The following NCBP2 variants were observed in gnomAD, a reference collection of about 807,000 sequenced individuals.
NCBP2 encodes nuclear cap binding protein subunit 2.
A neutral mutation model predicts 21.5 loss-of-function variants in NCBP2; 8 were observed. The observed-to-expected ratio is 0.37, with a 90% CI of 0.22 to 0.67. The LOEUF (loss-of-function observed/expected upper bound fraction) is 0.67. NCBP2 is among the 30% of genes least tolerant of loss of function. The probability of loss-of-function intolerance (pLI) is 0.56; values close to 1 mark genes in which losing one functional copy is unlikely to be tolerated. For synonymous variants in NCBP2, 92 were observed against 75.8 expected, an observed-to-expected ratio of 1.21 and a Z score of -1.11; for missense variants, 127 against 206.9, an observed-to-expected ratio of 0.61 and a Z score of 2.37.
intron 1 of NCBP2, among the ~76,000 whole-genome samples, chr3:196,940,694 G>T (rs964510539): frequency 2.6e-5 from 4 of 152,226 alleles, no homozygotes; most frequent in African/African-American, 7.2e-5. Flanking sequence ...CTGAGGAGAT[G>T]AATAATAGAC....
In NCBP2 at chr3:196,937,628, G is replaced by A. The variant is rs759229687; in HGVS notation, c.281C>T (p.Ala94Val). 4.3e-6 allele frequency: 7 copies of A among 1,614,012 alleles called. No individual in the cohort carries two copies. Among genetic ancestry groups the A allele is most frequent in the Middle Eastern group, 1.6e-4 (1 of 6,084 alleles). ...CFVEYYSRADAENAMRYINGT... is the reference protein window; with the variant it reads ...CFVEYYSRADVENAMRYINGT... Reference sequence around the variant, plus strand: ...ATTTATGTACCGCATGGCGTTTTCCGCATCTGCGCGTGAGTAATATCTTAA... The same window carrying A: ...ATTTATGTACCGCATGGCGTTTTCCACATCTGCGCGTGAGTAATATCTTAA... The change falls in exon 3 of 4, where the codon GCG becomes GTG. Residue 94 changes from alanine (A) to valine (V), a missense_variant. Physicochemically the swap from Ala to Val is moderately conservative, Grantham distance 64. Coordinates refer to ENST00000321256, the MANE Select transcript of NCBP2 (RefSeq NM_007362.5).
rs1007926531 is a variant in NCBP2 at position 196,936,236 on chromosome 3, C to T, written c.*775G>A. ...TTTGAAAAACGTGTTAGTAAATACT[C>T]AAGTTCTGGCCTCATTTCCTGATGT... On this transcript the variant is annotated 3_prime_UTR_variant, in exon 4 of 4. Coordinates refer to ENST00000321256, the MANE Select transcript of NCBP2 (RefSeq NM_007362.5). 1 of 152,164 alleles carries T rather than the reference C, an allele frequency of 6.6e-6. No individual in the cohort carries two copies. Among genetic ancestry groups the T allele is most frequent in the Non-Finnish European group, 1.5e-5 (1 of 68,048 alleles). The allele number at this position is 152,164 out of a possible 1,614,324, so 9.4% of individuals were successfully genotyped here.
chr3:196,935,651 GGA>G lies in NCBP2; in HGVS notation c.*1358_*1359del, dbSNP rs1348220763. 6.6e-6 allele frequency: 1 copy of G among 152,128 alleles called. No homozygotes were observed. Among genetic ancestry groups the G allele is most frequent in the African/African-American group, 2.4e-5 (1 of 41,410 alleles). The allele number at this position is 152,128 out of a possible 1,614,324, so 9.4% of individuals were successfully genotyped here. ...TCAGATTTCTACACTCAGTTTAACG[GGA>G]GAGACATTCACACTTAGGTACTTCA... On this transcript the variant is annotated 3_prime_UTR_variant, in exon 4 of 4. Transcript: ENST00000321256.
At position 196,937,000 on chromosome 3, in the gene NCBP2, G is replaced by A; in HGVS notation, c.*11C>T. ...CAAAGGAGTGTTTGTCACTGACAGA[G>A]CTCTCACCACTCACTGGTTCTGTGC... On this transcript the variant is annotated 3_prime_UTR_variant, in exon 4 of 4. Coordinates refer to ENST00000321256, the MANE Select transcript of NCBP2 (RefSeq NM_007362.5). The A allele has an allele frequency of 6.2e-7, 1 of 1,613,730 alleles. No individual in the cohort carries two copies. Among genetic ancestry groups the A allele is most frequent in the East Asian group, 2.2e-5 (1 of 44,884 alleles).
chr3:196,942,384 C>CT, intron 1 of NCBP2, 42 bp downstream of exon 1: 1 of 1,601,226 alleles, frequency 6.2e-7, no homozygotes, highest in South Asian at 1.1e-5. Flanking sequence ...TCTCAGCGTT[C>CT]TTGCCCAGGG....
At chr3:196,937,289 G>A in intron 3 of NCBP2, 1 of 772,552 alleles carries the variant, frequency 1.3e-6, no homozygotes, top group Non-Finnish European at 2.1e-6. Flanking sequence ...AGCCCTAGCA[G>A]AAGTTCAAGA....
chr3:196,937,645 A>G lies in NCBP2; in HGVS notation c.264T>C (p.Tyr88=), dbSNP rs142462463. ...KTACGFCFVE[Y]YSRADAENAM... is the part of the protein sequence containing the mutation. ...CGTTTTCCGCATCTGCGCGTGAGTAATATCTTAAGTATTAAGGAACACTAG... is the reference window on the plus strand; with the variant it reads ...CGTTTTCCGCATCTGCGCGTGAGTAGTATCTTAAGTATTAAGGAACACTAG... Residue 88 remains tyrosine (Y), a synonymous_variant, in exon 3 of 4, where the codon TAT becomes TAC. Coordinates refer to ENST00000321256, the MANE Select transcript of NCBP2 (RefSeq NM_007362.5). The G allele has an allele frequency of 1.6e-4, 260 of 1,614,064 alleles. No individual in the cohort carries two copies. The highest frequency in any genetic ancestry group is 3.3e-4 in the Middle Eastern group (2 of 6,062).
intron 1 of NCBP2, chr3:196,941,867 G>A: frequency 6.6e-7 from 1 of 1,517,656 alleles, no homozygotes; most frequent in East Asian, 2.4e-5. Context: ...GAGCTTGGCG[G>A]GTCCACCTCC....
intron 2 of NCBP2, chr3:196,938,346 C>T (rs1716362617): frequency 6.6e-6 from 1 of 152,110 alleles, no homozygotes; most frequent in African/African-American, 2.4e-5. Context: ...AGCAGAAATC[C>T]AGGGATCACC....
chr3:196,942,374 T>C, intron 1 of NCBP2, 52 bp downstream of exon 1: 3 of 1,589,840 alleles, frequency 1.9e-6, no homozygotes, highest in Non-Finnish European at 2.6e-6. Context: ...GCAAACCGTT[T>C]CTCAGCGTTC....
Position 196,937,512 on chromosome 3 carries a change from G to C in NCBP2, c.397C>G (p.Gln133Glu). Residue 133 changes from glutamine to glutamate, a missense_variant and splice_region_variant, in exon 3 of 4, where the codon CAG (glutamine) becomes GAG (glutamate). Physicochemically the swap from Gln to Glu is conservative, Grantham distance 29 (BLOSUM62 2). Transcript: ENST00000321256. Reference sequence around the variant, plus strand: ...GCCCAGAGACCCTTCTTGCATACCTGGCCCCCAGATCGCCCACGGCCGTAT... The same window carrying C: ...GCCCAGAGACCCTTCTTGCATACCTCGCCCCCAGATCGCCCACGGCCGTAT... Reference protein sequence around the residue: ...RQYGRGRSGGQVRDEYRQDYD... With the variant: ...RQYGRGRSGGEVRDEYRQDYD... The C allele has an allele frequency of 6.2e-7, 1 of 1,613,972 alleles. No individual in the cohort carries two copies. Among genetic ancestry groups the C allele is most frequent in the Non-Finnish European group, 8.5e-7 (1 of 1,180,014 alleles).
At position 196,935,796 on chromosome 3, in the gene NCBP2, TA is replaced by T. The variant is rs771769138; in HGVS notation, c.*1214del. ...GGACTTAACAGTTTTAAATGAGCAATAACTCAGATATATTAGAGAGAAATCA... is the reference window on the plus strand; with the variant it reads ...GGACTTAACAGTTTTAAATGAGCAATACTCAGATATATTAGAGAGAAATCA... On this transcript the variant is annotated 3_prime_UTR_variant, in exon 4 of 4. Transcript: ENST00000321256. 7.2e-5 allele frequency: 11 copies of T among 152,138 alleles called. No individual in the cohort carries two copies. Among genetic ancestry groups the T allele is most frequent in the Non-Finnish European group, 1.5e-4 (10 of 68,036 alleles). The allele number at this position is 152,138 out of a possible 1,614,324, so 9.4% of individuals were successfully genotyped here.
intron 1 of NCBP2, 42 bp downstream of exon 1, chr3:196,942,384 C>A (rs377392239): frequency 5.1e-5 from 82 of 1,601,108 alleles, no homozygotes; most frequent in Non-Finnish European, 6.5e-5. Context: ...TCTCAGCGTT[C>A]TTGCCCAGGG....
intron 1 of NCBP2, chr3:196,939,755 T>A (rs532649933): frequency 6.4e-5 from 16 of 250,288 alleles, no homozygotes; most frequent in Non-Finnish European, 1.1e-4. Context: ...AACCCAAGTG[T>A]AGACTCTGGA....
At chr3:196,937,183 C>T in intron 3 of NCBP2, 101 bp from the exon 4 acceptor site, 1 of 1,132,914 alleles carries the variant, frequency 8.8e-7, no homozygotes, top group South Asian at 1.2e-5. Context: ...TGTTCAGATG[C>T]CACAATGTGA....
Position 196,937,591 on chromosome 3 carries a change from C to G in NCBP2, c.318G>C (p.Leu106=). 2 of 1,614,206 alleles carry G rather than the reference C, an allele frequency of 1.2e-6. No homozygotes were observed. Among genetic ancestry groups the G allele is most frequent in the Non-Finnish European group, 1.7e-6 (2 of 1,180,040 alleles). The stretch of plus-strand genomic sequence containing the variant: ...AGTCTGTGCGAATGATTCGGTCATC[C>G]AGACGCGTCCCATTTATGTACCGCA... The part of the protein sequence containing the change: ...NAMRYINGTR[L]DDRIIRTDWD... Residue 106 remains leucine (L), a synonymous_variant, in exon 3 of 4, where the codon CTG becomes CTC. Transcript: ENST00000321256.
intron 2 of NCBP2, 66 bp downstream of exon 2, chr3:196,939,185 C>T: frequency 6.9e-7 from 1 of 1,452,460 alleles, no homozygotes; most frequent in Non-Finnish European, 9.7e-7. Flanking sequence ...TGCAGGGACG[C>T]TTATGAGCTA....
intron 1 of NCBP2, among the ~76,000 whole-genome samples, chr3:196,940,366 C>G (rs1212637816): frequency 6.9e-6 from 1 of 144,346 alleles, no homozygotes; most frequent in Non-Finnish European, 1.5e-5. Context: ...GAGTGAAACT[C>G]TATCTCAAAA....
chr3:196,941,797 T>C, intron 1 of NCBP2: 3 of 1,036,648 alleles, frequency 2.9e-6, no homozygotes, highest in Non-Finnish European at 4.2e-6. Context: ...GACTAAAAAT[T>C]TCCCTCTTCT....
Sources: allele counts gnomAD v4.1 joint callset (sites outside exome capture counted in the v4.1 genomes callset), GRCh38; gene constraint gnomAD v4.1.1; transcripts MANE v1.5; gene names NCBI Gene and HGNC (gene_info 2026-07-23, HGNC 2026-07-21).